Variants in NAB1 observed in about 807,000 individuals in gnomAD.
NAB1 encodes the protein NGFI-A-binding protein 1.
A neutral mutation model predicts 49.9 loss-of-function variants in NAB1; 25 were observed. The ratio of observed to expected loss-of-function variants is 0.50; its 90% CI spans 0.37 to 0.70. The LOEUF (loss-of-function observed/expected upper bound fraction) is 0.70, where lower values mean the gene tolerates loss of function less well. NAB1 is among the 30% of genes least tolerant of loss of function. The probability of loss-of-function intolerance (pLI) is 0.00; values close to 1 mark genes in which losing one functional copy is unlikely to be tolerated. For missense variants in NAB1, 489 were observed against 575.9 expected (o/e 0.85, Z 1.54); for synonymous variants, 198 against 215.6 (o/e 0.92, Z 0.71).
At chr2:190,672,803 C>A (rs1559241434) in intron 5 of NAB1, among the ~76,000 whole-genome samples, 1 of 146,436 alleles carries the variant, frequency 6.8e-6, no homozygotes, top group South Asian at 2.2e-4. Context: ...CATAGTGAGA[C>A]CCCATCTTTA....
At position 190,689,147 on chromosome 2, in the gene NAB1, T is replaced by G. The variant is rs778213173; in HGVS notation, c.1376-1098T>G. Among the ~76,000 whole-genome samples, 12 of 152,128 alleles carry G rather than the reference T, an allele frequency of 7.9e-5. No individual in the cohort carries two copies. The highest frequency in any genetic ancestry group is 1.6e-4 in the Non-Finnish European group (11 of 68,026). On this transcript the variant is annotated intron_variant, in intron 9 of 9. Coordinates refer to ENST00000337386, the MANE Select transcript of NAB1 (RefSeq NM_005966.4). This position sits in a 1 kb window ranked among gnomAD's most constrained non-coding sequence, Gnocchi z 4.3. The stretch of plus-strand genomic sequence containing the variant: ...GGCCACCTTATTCTTTATTTTTAAC[T>G]GAATAGGAATAATACAGGTTTCATA...
intron 3 of NAB1, chr2:190,658,935 C>T: frequency 2.5e-6 from 1 of 396,180 alleles, no homozygotes; most frequent in Non-Finnish European, 4.5e-6. Context: ...TCCTGCTTAC[C>T]ATTTATTCTC....
rs750707953 is a variant in NAB1, at chr2:190,659,124, G to T, written c.-19-34G>T. Reference sequence around the variant, plus strand: ...GGTGTAAGGAGTTTGAAGCAAGTATGATGAGTTTTTACTTTTTTTTTTTTT... The same window carrying T: ...GGTGTAAGGAGTTTGAAGCAAGTATTATGAGTTTTTACTTTTTTTTTTTTT... On this transcript the variant is annotated intron_variant, in intron 3 of 9. Transcript: ENST00000337386. The surrounding 1 kb of genome is among the most constrained non-coding windows in gnomAD (Gnocchi z 6.2). 12 of 1,387,060 alleles carry T rather than the reference G, an allele frequency of 8.7e-6. No homozygotes were observed. The highest frequency in any genetic ancestry group is 4.6e-5 in the Admixed American group (2 of 43,060). 85.9% of individuals were successfully genotyped at this position (1,387,060 alleles called of 1,614,324 possible).
At position 190,670,485 on chromosome 2, in the gene NAB1, T is replaced by C. The variant is rs1179271640; in HGVS notation, c.953+26T>C. The C allele has an allele frequency of 6.2e-7, 1 of 1,610,192 alleles. No individual in the cohort carries two copies. Among genetic ancestry groups the C allele is most frequent in the Non-Finnish European group, 8.5e-7 (1 of 1,177,848 alleles). On this transcript the variant is annotated intron_variant, in intron 5 of 9. Coordinates refer to ENST00000337386, the MANE Select transcript of NAB1 (RefSeq NM_005966.4). The surrounding 1 kb of genome is among the most constrained non-coding windows in gnomAD (Gnocchi z 5.3). ...GTAAGTATTTAACTAATCGTCATTA[T>C]TTTTGCATTGCTTGAGAGAAGTAGA...
chr2:190,691,064 T>G lies in NAB1; in HGVS notation c.*731T>G, dbSNP rs1695918926. 1 of 152,594 alleles carries G rather than the reference T, an allele frequency of 6.6e-6. No individual in the cohort carries two copies. Among genetic ancestry groups the G allele is most frequent in the Non-Finnish European group, 1.5e-5 (1 of 67,958 alleles). 9.5% of individuals were successfully genotyped at this position (152,594 alleles called of 1,614,324 possible). A position where few individuals can be genotyped will look rare whatever the true frequency, so the allele number is the denominator to read the frequency against. ...TTAAACTAGTTGACCTAGATTGTAT[T>G]AATAGCTACTTAAGATGTTTCAAAG... On this transcript the variant is annotated 3_prime_UTR_variant, in exon 10 of 10. Transcript: ENST00000337386. This position sits in a 1 kb window ranked among gnomAD's most constrained non-coding sequence, Gnocchi z 4.1.
At chr2:190,673,640 C>T (rs1313046062) in intron 6 of NAB1, among the ~76,000 whole-genome samples, 4 of 152,188 alleles carry the variant, frequency 2.6e-5, no homozygotes, top group African/African-American at 9.7e-5. Context: ...CATCATTAGT[C>T]ATCAAATACA....
rs1019942035 is a variant in NAB1 at position 190,652,148 on chromosome 2, T to C, written c.-197+2166T>C. 1.3e-5 allele frequency among the ~76,000 whole-genome samples: 2 copies of C among 152,242 alleles called. No individual in the cohort carries two copies. Among genetic ancestry groups the C allele is most frequent in the East Asian group, 3.8e-4 (2 of 5,204 alleles). ...ACAAGTTGATGCTTGGAAAAAATAG[T>C]AATCCTCATCTTGTGAGAATTCACA... On this transcript the variant is annotated intron_variant, in intron 2 of 9. Coordinates refer to ENST00000337386, the MANE Select transcript of NAB1 (RefSeq NM_005966.4). The surrounding 1 kb of genome is among the most constrained non-coding windows in gnomAD (Gnocchi z 4.2).
rs997627090 is a variant in NAB1, at chr2:190,663,412, T to C, written c.819+3417T>C. On this transcript the variant is annotated intron_variant, in intron 4 of 9. Coordinates refer to ENST00000337386, the MANE Select transcript of NAB1 (RefSeq NM_005966.4). The surrounding 1 kb of genome is among the most constrained non-coding windows in gnomAD (Gnocchi z 4.2). ...CTAGGGTCTGTGTGCCCAGTCTCAC[T>C]CACCTCCTGTTTTTATAAATAAATT... is the stretch of plus-strand genomic sequence containing the variant. 1.3e-5 allele frequency among the ~76,000 whole-genome samples: 2 copies of C among 152,220 alleles called. No individual in the cohort carries two copies. Among genetic ancestry groups the C allele is most frequent in the African/African-American group, 2.4e-5 (1 of 41,458 alleles).
chr2:190,687,422 C>CAAAA (rs1695672711), intron 9 of NAB1, 105 bp downstream of exon 9: 1 of 538,024 alleles, frequency 1.9e-6, no homozygotes. Flanking sequence ...AAAAAAAAGT[C>CAAAA]ATTACTGACA....
chr2:190,651,564 T>C lies in NAB1; in HGVS notation c.-197+1582T>C, dbSNP rs1313841625. Among the ~76,000 whole-genome samples the C allele has an allele frequency of 1.3e-5, 2 of 152,158 alleles. No homozygotes were observed. Among genetic ancestry groups the C allele is most frequent in the African/African-American group, 2.4e-5 (1 of 41,438 alleles). ...AGTATGTCAGTTTCTAAAGAAAATATAGACATGGGGTCTCGCTGTGTTGCC... is the reference window on the plus strand; with the variant it reads ...AGTATGTCAGTTTCTAAAGAAAATACAGACATGGGGTCTCGCTGTGTTGCC... On this transcript the variant is annotated intron_variant, in intron 2 of 9. Transcript: ENST00000337386. The surrounding 1 kb of genome is among the most constrained non-coding windows in gnomAD (Gnocchi z 4.3).
At position 190,685,523 on chromosome 2, in the gene NAB1, A is replaced by G; in HGVS notation, c.1143A>G (p.Gln381=). The change falls in exon 8 of 10, where the codon CAA becomes CAG. Residue 381 remains glutamine, a synonymous_variant. Transcript: ENST00000337386. The surrounding 1 kb of genome is among the most constrained non-coding windows in gnomAD (Gnocchi z 4.5). ...AGCAGATGGAGTTCCTTTGCAACCA[A>G]GCTGGCTATGAGAGACTGCAGCATG... is the stretch of plus-strand genomic sequence containing the variant. ...MAKQMEFLCN[Q]AGYERLQHAE... 1 of 1,613,858 alleles carries G rather than the reference A, an allele frequency of 6.2e-7. No individual in the cohort carries two copies. The highest frequency in any genetic ancestry group is 1.7e-5 in the Admixed American group (1 of 59,970).
intron 2 of NAB1, among the ~76,000 whole-genome samples, chr2:190,650,699 C>T (rs1451412177): frequency 6.6e-6 from 1 of 152,210 alleles, no homozygotes; most frequent in African/African-American, 2.4e-5. Flanking sequence ...TGCTTCTGAT[C>T]TAATCTGAGT....
At chr2:190,671,358 T>C (rs1246607326) in intron 5 of NAB1, among the ~76,000 whole-genome samples, 1 of 152,204 alleles carries the variant, frequency 6.6e-6, no homozygotes, top group East Asian at 1.9e-4. Flanking sequence ...ACCATTATTT[T>C]TCCTAATTCA....
intron 6 of NAB1, 121 bp downstream of exon 6, chr2:190,673,273 C>A: frequency 1.2e-6 from 1 of 848,146 alleles, no homozygotes; most frequent in Non-Finnish European, 1.9e-6. Flanking sequence ...AAATGGCTTT[C>A]AATAAATCTT....
intron 6 of NAB1, among the ~76,000 whole-genome samples, chr2:190,681,888 T>C (rs970363278): frequency 3.3e-5 from 5 of 152,218 alleles, no homozygotes; most frequent in African/African-American, 7.2e-5. Context: ...TTCTGCTGTG[T>C]ATTGTAAGAA....
rs1695062604 is a variant in NAB1 at position 190,676,199 on chromosome 2, TGTG to T, written c.1005+3049_1005+3051del. Among the ~76,000 whole-genome samples the T allele has an allele frequency of 6.6e-6, 1 of 151,998 alleles. No homozygotes were observed. Among genetic ancestry groups the T allele is most frequent in the Non-Finnish European group, 1.5e-5 (1 of 67,988 alleles). On this transcript the variant is annotated intron_variant, in intron 6 of 9. Transcript: ENST00000337386. This position sits in a 1 kb window ranked among gnomAD's most constrained non-coding sequence, Gnocchi z 4.6. ...AGGGTAGAATTTCAAAAGGTAGCGA[TGTG>T]GGGAGGGGATTGGGGTGGCATTATA...
At position 190,689,039 on chromosome 2, in the gene NAB1, C is replaced by G. The variant is rs940402284; in HGVS notation, c.1376-1206C>G. Among the ~76,000 whole-genome samples the G allele has an allele frequency of 6.6e-6, 1 of 151,972 alleles. No individual in the cohort carries two copies. Among genetic ancestry groups the G allele is most frequent in the Admixed American group, 6.6e-5 (1 of 15,242 alleles). ...ATTTTTAGTAGAGACGGGGTTTTAC[C>G]GTGGTCTCAATCTCCTGACCTTGTG... On this transcript the variant is annotated intron_variant, in intron 9 of 9. Transcript: ENST00000337386. The surrounding 1 kb of genome is among the most constrained non-coding windows in gnomAD (Gnocchi z 4.3).
At chr2:190,681,380 TG>T (rs1212949483) in intron 6 of NAB1, among the ~76,000 whole-genome samples, 1 of 151,914 alleles carries the variant, frequency 6.6e-6, no homozygotes, top group Non-Finnish European at 1.5e-5. Flanking sequence ...GCAGTTCCAG[TG>T]GGGTGGGGGT....
chr2:190,678,683 G>A lies in NAB1; in HGVS notation c.1006-5055G>A, dbSNP rs1332057343. ...CTGCTAGCAGTTCCAGCAAGGTGGG[G>A]GTGGGAGAGCAAGGAAGGGGGAGGA... On this transcript the variant is annotated intron_variant, in intron 6 of 9. Coordinates refer to ENST00000337386, the MANE Select transcript of NAB1 (RefSeq NM_005966.4). The surrounding 1 kb of genome is among the most constrained non-coding windows in gnomAD (Gnocchi z 4.9). Among the ~76,000 whole-genome samples the A allele has an allele frequency of 6.6e-6, 1 of 151,968 alleles. No homozygotes were observed. Among genetic ancestry groups the A allele is most frequent in the Non-Finnish European group, 1.5e-5 (1 of 68,010 alleles).
Sources: allele counts gnomAD v4.1 joint callset (sites outside exome capture counted in the v4.1 genomes callset), GRCh38; gene constraint gnomAD v4.1.1; non-coding constraint Gnocchi (gnomAD v3.1); transcripts MANE v1.5; gene names NCBI Gene and HGNC (gene_info 2026-07-23, HGNC 2026-07-21).